HTN3: variants seen among roughly 807,000 people sequenced by gnomAD.
The protein encoded by HTN3 is histatin-3.
In HTN3, 15 loss-of-function variants were observed where a neutral mutation model predicts 10.6. The observed-to-expected ratio is 1.42, with a 90% CI of 0.95 to 2.18. HTN3 has a LOEUF of 2.18. Ranked by LOEUF, HTN3 falls within the 30% of genes most tolerant of loss-of-function variation. The pLI is 0.00. For missense variants in HTN3, 68 were observed against 58.0 expected (o/e 1.17, Z -0.56); for synonymous variants, 15 against 16.9 (o/e 0.89, Z 0.27).
At chr4:70,035,948 A>T (rs1725504399) in intron 5 of HTN3, among the ~76,000 whole-genome samples, 1 of 152,292 alleles carries the variant, frequency 6.6e-6, no homozygotes, top group African/African-American at 2.4e-5. Flanking sequence ...GGATATAGGT[A>T]AAATATTATT....
At chr4:70,035,818 A>G (rs1189994515) in intron 5 of HTN3, among the ~76,000 whole-genome samples, 13 of 152,276 alleles carry the variant, frequency 8.5e-5, no homozygotes, top group African/African-American at 3.1e-4. Context: ...GATTTCAAAT[A>G]TTTTTAAATG....
chr4:70,029,462 G>C (rs1341561867), intron 1 of HTN3, among the ~76,000 whole-genome samples: 1 of 152,038 alleles, frequency 6.6e-6, no homozygotes, highest in African/African-American at 2.4e-5. Context: ...GGCTGTTTAA[G>C]AGTAGGACAT....
rs1478585349 is a variant in HTN3, at chr4:70,033,087, A to G, written c.103-80A>G. ...AACAACTTTAACAATCTAAGCTTTCAGTGACAGTTTTTGTGAAGCATTTTT... is the reference window on the plus strand; with the variant it reads ...AACAACTTTAACAATCTAAGCTTTCGGTGACAGTTTTTGTGAAGCATTTTT... On this transcript the variant is annotated intron_variant, in intron 4 of 5. Coordinates refer to ENST00000673563, the MANE Select transcript of HTN3 (RefSeq NM_000200.3). 3.2e-6 allele frequency: 3 copies of G among 946,650 alleles called. No homozygotes were observed. The African/African-American group carries it at 5.0e-5, about 16-fold the overall frequency. 58.6% of individuals were successfully genotyped at this position (946,650 alleles called of 1,614,324 possible). A position where few individuals can be genotyped will look rare whatever the true frequency, so the allele number is the denominator to read the frequency against.
chr4:70,031,765 T>C (rs1725386722), intron 2 of HTN3, among the ~76,000 whole-genome samples: 1 of 152,034 alleles, frequency 6.6e-6, no homozygotes, highest in South Asian at 2.1e-4. Flanking sequence ...CCAAAATGAG[T>C]TGATACTTTA....
Position 70,031,963 on chromosome 4 carries a change from T to G in HTN3, c.52-16T>G. 2 of 1,514,792 alleles carry G rather than the reference T, an allele frequency of 1.3e-6. No individual in the cohort carries two copies. Among genetic ancestry groups the G allele is most frequent in the Non-Finnish European group, 1.8e-6 (2 of 1,098,854 alleles). 93.8% of individuals were successfully genotyped at this position (1,514,792 alleles called of 1,614,324 possible). A position where few individuals can be genotyped will look rare whatever the true frequency, so the allele number is the denominator to read the frequency against. The stretch of plus-strand genomic sequence containing the variant: ...ATTAAGATATTAATTATTTTCTCAT[T>G]TTCTTCTTTTCCAAGGGAGCTGATT... On this transcript the variant is annotated splice_polypyrimidine_tract_variant and intron_variant, in intron 2 of 5. Transcript: ENST00000673563.
chr4:70,035,895 C>T (rs1009638249), intron 5 of HTN3, among the ~76,000 whole-genome samples: 2 of 152,028 alleles, frequency 1.3e-5, no homozygotes, highest in Non-Finnish European at 2.9e-5. Context: ...TGATCTTGAT[C>T]CTCCAGGTGT....
intron 1 of HTN3, among the ~76,000 whole-genome samples, chr4:70,029,724 G>T (rs572701390): frequency 0.07 from 10,695 of 152,086 alleles, 1,267 homozygotes; most frequent in African/African-American, 0.25. Flanking sequence ...CGAAGAACTG[G>T]ATTCACTTGC....
At chr4:70,032,866 T>C (rs1200414647) in intron 4 of HTN3, among the ~76,000 whole-genome samples, 1 of 152,120 alleles carries the variant, frequency 6.6e-6, no homozygotes, top group African/African-American at 2.4e-5. Context: ...AACTTGGAGG[T>C]AATGTTGTTA....
intron 1 of HTN3, among the ~76,000 whole-genome samples, chr4:70,029,408 A>G (rs1031285099): frequency 5.3e-5 from 8 of 152,066 alleles, no homozygotes; most frequent in Non-Finnish European, 1.2e-4. Context: ...TGAATGAAGA[A>G]ATAATAAGGC....
At chr4:70,032,263 G>C (rs140992381) in intron 4 of HTN3, among the ~76,000 whole-genome samples, 156 bp downstream of exon 4, 1 of 151,950 alleles carries the variant, frequency 6.6e-6, no homozygotes, top group African/African-American at 2.4e-5. Context: ...GAGGTAAAAG[G>C]TCACAAAAAT....
At chr4:70,029,148 A>T (rs1303856146) in intron 1 of HTN3, among the ~76,000 whole-genome samples, 1 of 152,032 alleles carries the variant, frequency 6.6e-6, no homozygotes, top group South Asian at 2.1e-4. Flanking sequence ...ACTATTAATT[A>T]TACATTGATT....
intron 4 of HTN3, among the ~76,000 whole-genome samples, chr4:70,032,621 A>G (rs781537880): frequency 1.6e-4 from 25 of 152,230 alleles, no homozygotes; most frequent in Non-Finnish European, 2.4e-4. Flanking sequence ...CAGTATGAAT[A>G]GGGGTTCAAA....
intron 2 of HTN3, among the ~76,000 whole-genome samples, chr4:70,031,699 C>G (rs572369960): frequency 6.6e-6 from 1 of 152,162 alleles, no homozygotes; most frequent in Admixed American, 6.5e-5. Context: ...TCAGTTTCCA[C>G]TCTCTTATTC....
intron 1 of HTN3, 110 bp downstream of exon 1, chr4:70,028,626 T>C (rs557427985): frequency 6.6e-6 from 1 of 152,272 alleles, no homozygotes; most frequent in Admixed American, 6.5e-5. Context: ...TAATTTCTTA[T>C]AAAGAAATAA....
intron 1 of HTN3, among the ~76,000 whole-genome samples, chr4:70,029,429 T>C (rs1725321416): frequency 1.3e-5 from 2 of 152,116 alleles, no homozygotes; most frequent in Admixed American, 1.3e-4. Context: ...AAATGGGTTC[T>C]GCTTTCTGTG....
chr4:70,032,865 G>A (rs1725420272), intron 4 of HTN3, among the ~76,000 whole-genome samples: 1 of 152,048 alleles, frequency 6.6e-6, no homozygotes, highest in Admixed American at 6.6e-5. Context: ...TAACTTGGAG[G>A]TAATGTTGTT....
intron 4 of HTN3, among the ~76,000 whole-genome samples, chr4:70,032,674 A>G (rs1171733180): frequency 6.6e-6 from 1 of 152,096 alleles, no homozygotes; most frequent in Non-Finnish European, 1.5e-5. Context: ...TTAAAAAAGC[A>G]CTAAGTAAAA....
chr4:70,030,569 T>C (rs1178579439), intron 1 of HTN3, among the ~76,000 whole-genome samples, 159 bp from the exon 2 acceptor site: 2 of 152,134 alleles, frequency 1.3e-5, no homozygotes, highest in Non-Finnish European at 2.9e-5. Context: ...TGAGCCCAGG[T>C]GGTCCAGGAT....
chr4:70,031,849 T>G (rs1254562935), intron 2 of HTN3, 130 bp from the exon 3 acceptor site: 4 of 655,426 alleles, frequency 6.1e-6, no homozygotes, highest in Admixed American at 2.9e-5. Flanking sequence ...AATAACTAAT[T>G]TAGCATGTCA....
Sources: gnomAD v4.1 joint callset for allele counts (sites outside exome capture counted in the v4.1 genomes callset) on GRCh38, gnomAD v4.1.1 for gene constraint, MANE v1.5 for transcripts, NCBI Gene and HGNC (gene_info 2026-07-23, HGNC 2026-07-21) for gene names.